The following GPRASP3 variants were observed in gnomAD, a reference collection of about 807,000 sequenced individuals.
GPRASP3 encodes the protein G protein-coupled receptor associated sorting protein 3.
chrX:102,751,317 T>C, the GPRASP3 span: 1 of 123,943 alleles, frequency 8.1e-6, no homozygotes, highest in Non-Finnish European at 1.9e-5. Flanking sequence ...TGTGAGTGCC[T>C]ATTCTATGTC....
chrX:102,742,302 A>T, the GPRASP3 span, among the ~76,000 whole-genome samples: 2 of 109,835 alleles, frequency 1.8e-5, no homozygotes, highest in African/African-American at 6.6e-5. Flanking sequence ...AACAAAATTG[A>T]TAGTAGCCCT....
chrX:102,734,583 C>T, the GPRASP3 span, among the ~76,000 whole-genome samples: 1 of 111,507 alleles, frequency 9.0e-6, no homozygotes, highest in Non-Finnish European at 1.9e-5. Context: ...GGCTACTGCA[C>T]TCCAGCCTGG....
At chrX:102,752,028 A>G in the GPRASP3 span, 4 of 114,699 alleles carry the variant, frequency 3.5e-5, no homozygotes, top group Non-Finnish European at 7.8e-5. Flanking sequence ...TTTATCTTTT[A>G]CTAGTAGGCA....
chrX:102,750,276 GATAC>G, the GPRASP3 span: 3 of 1,205,450 alleles, frequency 2.5e-6, no homozygotes, highest in Non-Finnish European at 3.4e-6. Flanking sequence ...CTGGATTAAA[GATAC>G]TAGGACAACT....
chrX:102,743,517 T>C, the GPRASP3 span, among the ~76,000 whole-genome samples: 5 of 111,357 alleles, frequency 4.5e-5, no homozygotes, highest in Admixed American at 9.6e-5. Context: ...GTCATTTATG[T>C]AACCGCCCGA....
the GPRASP3 span, among the ~76,000 whole-genome samples, chrX:102,737,636 C>T: frequency 9.0e-6 from 1 of 111,530 alleles, no homozygotes; most frequent in South Asian, 3.8e-4. Context: ...AGCGACCCTG[C>T]TTGCCACACC....
At chrX:102,726,218 C>T in the GPRASP3 span, among the ~76,000 whole-genome samples, 2 of 111,910 alleles carry the variant, frequency 1.8e-5, no homozygotes, top group African/African-American at 6.5e-5. Flanking sequence ...GCTTAGCCAA[C>T]CTCACTGAGT....
At chrX:102,731,633 A>G in the GPRASP3 span, among the ~76,000 whole-genome samples, 2 of 110,569 alleles carry the variant, frequency 1.8e-5, no homozygotes, top group African/African-American at 3.3e-5. Context: ...TCAAAAAAAA[A>G]AGAAAAAAAA....
At chrX:102,731,464 T>C in the GPRASP3 span, among the ~76,000 whole-genome samples, 1 of 109,396 alleles carries the variant, frequency 9.1e-6, no homozygotes, top group African/African-American at 3.3e-5. Context: ...TCTACTAAAA[T>C]AAAAAAATAA....
chrX:102,753,526 A>G, the GPRASP3 span: 1 of 122,508 alleles, frequency 8.2e-6, no homozygotes, highest in Non-Finnish European at 1.9e-5. Flanking sequence ...CATGAATAAA[A>G]TCTCTCTCCA....
the GPRASP3 span, among the ~76,000 whole-genome samples, chrX:102,733,566 A>G: frequency 1.8e-5 from 2 of 110,652 alleles, no homozygotes; most frequent in Admixed American, 9.7e-5. Flanking sequence ...ACTTTACTCA[A>G]TTGTTAAAAG....
the GPRASP3 span, among the ~76,000 whole-genome samples, chrX:102,737,221 A>G: frequency 1.8e-5 from 2 of 112,640 alleles, no homozygotes; most frequent in East Asian, 5.6e-4. Context: ...ACTTTTAACC[A>G]TAGTGTTCCT....
the GPRASP3 span, among the ~76,000 whole-genome samples, chrX:102,730,520 C>T: frequency 8.9e-6 from 1 of 111,916 alleles, no homozygotes; most frequent in Non-Finnish European, 1.9e-5. Context: ...GTTTATTTTG[C>T]CAAGGTGAAG....
chrX:102,746,018 C>G, the GPRASP3 span: 1 of 112,108 alleles, frequency 8.9e-6, no homozygotes, highest in African/African-American at 3.2e-5. Flanking sequence ...GCATCCTGCG[C>G]AGCCCCTGCC....
chrX:102,750,237 A>T, the GPRASP3 span: 1 of 1,199,514 alleles, frequency 8.3e-7, no homozygotes, highest in Non-Finnish European at 1.1e-6. Context: ...AAACCATGTC[A>T]TTTCCTTTGA....
the GPRASP3 span, among the ~76,000 whole-genome samples, chrX:102,731,611 C>T: frequency 1.9e-5 from 2 of 106,242 alleles, no homozygotes; most frequent in South Asian, 4.3e-4. Context: ...GGCAACAGAG[C>T]GAGACTCCAA....
the GPRASP3 span, among the ~76,000 whole-genome samples, chrX:102,736,801 T>C: frequency 8.9e-6 from 1 of 112,092 alleles, no homozygotes; most frequent in Non-Finnish European, 1.9e-5. Context: ...GCCATCCATA[T>C]ATTTCCTACC....
At chrX:102,746,701 C>T in the GPRASP3 span, among the ~76,000 whole-genome samples, 1 of 112,870 alleles carries the variant, frequency 8.9e-6, no homozygotes, top group South Asian at 3.6e-4. Context: ...TTGTTAAAGT[C>T]TCCTGTCTGC....
chrX:102,723,164 A>G, the GPRASP3 span, among the ~76,000 whole-genome samples: 2 of 112,149 alleles, frequency 1.8e-5, no homozygotes, highest in Admixed American at 9.5e-5. Context: ...TCAAATTTCA[A>G]TCAAAATAAA....
Sources: allele counts gnomAD v4.1 joint callset (sites outside exome capture counted in the v4.1 genomes callset), GRCh38; gene constraint gnomAD v4.1.1; transcripts MANE v1.5; gene names NCBI Gene and HGNC (gene_info 2026-07-23, HGNC 2026-07-21).